ABTB2: variants seen among roughly 807,000 people sequenced by gnomAD.
ABTB2 encodes ankyrin repeat and BTB domain containing 2.
In ABTB2, 56 loss-of-function variants were observed where a neutral mutation model predicts 104.1. That is an observed-to-expected ratio of 0.54 (90% CI 0.43 to 0.67). The LOEUF is 0.67. Ranked by LOEUF, ABTB2 falls within the 30% of genes least tolerant of loss-of-function variation. ABTB2 has a pLI of 0.00. For synonymous variants in ABTB2, 606 were observed against 608.2 expected, an observed-to-expected ratio of 1.00 and a Z score of 0.05; for missense variants, 1,279 against 1,407.7, an observed-to-expected ratio of 0.91 and a Z score of 1.46.
chr11:34,198,561 G>T (rs1287024870), intron 2 of ABTB2, among the ~76,000 whole-genome samples: 1 of 152,112 alleles, frequency 6.6e-6, no homozygotes, highest in Non-Finnish European at 1.5e-5. Flanking sequence ...GAGTTAACCA[G>T]CCATGGCTGT....
intron 1 of ABTB2, among the ~76,000 whole-genome samples, chr11:34,232,225 G>C (rs997592697): frequency 3.3e-5 from 5 of 152,076 alleles, no homozygotes; most frequent in Admixed American, 2.6e-4. Context: ...TAGGTGGGTG[G>C]ATCATTTGAG....
At chr11:34,170,151 G>C (rs966985224) in intron 5 of ABTB2, among the ~76,000 whole-genome samples, 7 of 152,162 alleles carry the variant, frequency 4.6e-5, no homozygotes, top group Non-Finnish European at 8.8e-5. Flanking sequence ...TCTCCACCCA[G>C]CTCTGCTCCT....
At chr11:34,302,604 G>A (rs1017796600) in intron 1 of ABTB2, among the ~76,000 whole-genome samples, 1 of 152,198 alleles carries the variant, frequency 6.6e-6, no homozygotes, top group Admixed American at 6.5e-5. Flanking sequence ...ACAGTTTGTT[G>A]GTCATTGAGG....
intron 1 of ABTB2, among the ~76,000 whole-genome samples, chr11:34,214,139 AACACACACACAC>A (rs10529537): frequency 1.2e-4 from 17 of 139,270 alleles, no homozygotes; most frequent in African/African-American, 3.1e-4. Flanking sequence ...GCACATTCAA[AACACACACACAC>A]ACACACACAC....
At chr11:34,343,367 T>C (rs1590264207) in intron 1 of ABTB2, among the ~76,000 whole-genome samples, 2 of 152,132 alleles carry the variant, frequency 1.3e-5, no homozygotes, top group African/African-American at 2.4e-5. Context: ...CATACCAGGC[T>C]CTCCCAGGAA....
intron 1 of ABTB2, among the ~76,000 whole-genome samples, chr11:34,325,892 A>G (rs1043284925): frequency 6.6e-6 from 1 of 151,734 alleles, no homozygotes; most frequent in Non-Finnish European, 1.5e-5. Flanking sequence ...TGGAGGTTGC[A>G]GTAAGCTGAG....
intron 12 of ABTB2, 67 bp from the exon 13 acceptor site, chr11:34,160,075 C>T (rs1167428788): frequency 2.1e-6 from 3 of 1,401,140 alleles, no homozygotes; most frequent in African/African-American, 1.4e-5. Context: ...CTTGAGTGTG[C>T]TGTGAGGTGC....
Position 34,357,884 on chromosome 11 carries a change from C to A in ABTB2, c.-301G>T, listed in dbSNP as rs757895834. 14 of 340,636 alleles carry A rather than the reference C, an allele frequency of 4.1e-5. No individual in the cohort carries two copies. The highest frequency in any genetic ancestry group is 5.3e-5 in the Non-Finnish European group (10 of 188,274). 21.1% of individuals were successfully genotyped at this position (340,636 alleles called of 1,614,324 possible). ...TAATTCCCACAAGCAGAGAGTCAGT[C>A]CTCCACAGAGAAGGAATCCCGGGAG... On this transcript the variant is annotated 5_prime_UTR_variant, in exon 1 of 17. Coordinates refer to ENST00000435224, the MANE Select transcript of ABTB2 (RefSeq NM_145804.3).
intron 5 of ABTB2, 116 bp downstream of exon 5, chr11:34,170,790 T>G (rs781753064): frequency 5.8e-5 from 77 of 1,319,396 alleles, no homozygotes; most frequent in Non-Finnish European, 7.6e-5. Flanking sequence ...GCCCGCCTTT[T>G]CGAAGTACAG....
chr11:34,281,569 C>T (rs535057384), intron 1 of ABTB2, among the ~76,000 whole-genome samples: 6 of 152,338 alleles, frequency 3.9e-5, no homozygotes, highest in East Asian at 3.9e-4. Context: ...CGGGGACTCC[C>T]GCTGGGCAGG....
rs75943320 is a variant in ABTB2, at chr11:34,190,431, T to A, written c.1244+6894A>T. On this transcript the variant is annotated intron_variant, in intron 3 of 16. Transcript: ENST00000435224. The stretch of plus-strand genomic sequence containing the variant: ...TGCACCTGAGCTTCCTCCTGCACTG[T>A]CTGGTGGGTTTTGCTCATTTGTTTA... Among the ~76,000 whole-genome samples the A allele has an allele frequency of 4.6e-3, 700 of 152,284 alleles. 2 individuals are homozygous for A. Among genetic ancestry groups the A allele is most frequent in the African/African-American group, 0.016 (660 of 41,542 alleles).
At chr11:34,251,981 T>G (rs1350078129) in intron 1 of ABTB2, among the ~76,000 whole-genome samples, 1 of 152,192 alleles carries the variant, frequency 6.6e-6, no homozygotes, top group Admixed American at 6.5e-5. Context: ...TCACAGTGTT[T>G]AGGGCACTCA....
chr11:34,271,734 AATACATACATACATACATACATAC>A (rs11268199), intron 1 of ABTB2, among the ~76,000 whole-genome samples: 4 of 149,814 alleles, frequency 2.7e-5, no homozygotes, highest in African/African-American at 7.4e-5. Context: ...CCCTATCTCA[AATACATACATACATACATACATAC>A]ATACATACAT....
chr11:34,238,010 G>A (rs991817452), intron 1 of ABTB2, among the ~76,000 whole-genome samples: 1 of 152,154 alleles, frequency 6.6e-6, no homozygotes, highest in African/African-American at 2.4e-5. Context: ...TTGTATGCAT[G>A]TATCAAAATA....
At position 34,152,439 on chromosome 11, in the gene ABTB2, T is replaced by A; in HGVS notation, c.3026A>T (p.Gln1009Leu). The A allele has an allele frequency of 6.3e-7, 1 of 1,596,648 alleles. No homozygotes were observed. The highest frequency in any genetic ancestry group is 8.5e-7 in the Non-Finnish European group (1 of 1,172,986). ...GTGCACGCGCTCTGCCAGGGTGTTC[T>A]GCAGGTCCTGCAGTGGATCCAGGCC... is the stretch of plus-strand genomic sequence containing the variant. ...VQGLDPLQDL[Q>L]NTLAERVHSV... The change falls in exon 17 of 17, where the codon CAG becomes CTG. Residue 1009 changes from glutamine (Q) to leucine (L), a missense_variant. By Grantham distance (113) the Gln-to-Leu change is moderately radical. Transcript: ENST00000435224.
chr11:34,324,637 C>T (rs1323400166), intron 1 of ABTB2, among the ~76,000 whole-genome samples: 1 of 152,230 alleles, frequency 6.6e-6, no homozygotes, highest in Non-Finnish European at 1.5e-5. Context: ...ACCACTGGAT[C>T]AGCCTCCAGG....
chr11:34,303,213 G>A (rs1174342915), intron 1 of ABTB2, among the ~76,000 whole-genome samples: 1 of 152,200 alleles, frequency 6.6e-6, no homozygotes. Flanking sequence ...AGGCTAGGAA[G>A]AAATATAAAG....
intron 3 of ABTB2, among the ~76,000 whole-genome samples, chr11:34,186,682 C>T (rs1333748358): frequency 6.6e-6 from 1 of 152,186 alleles, no homozygotes; most frequent in Non-Finnish European, 1.5e-5. Flanking sequence ...CTGGGGGGTG[C>T]TTGTCAGAGG....
At chr11:34,338,211 T>C (rs1288599297) in intron 1 of ABTB2, among the ~76,000 whole-genome samples, 3 of 151,682 alleles carry the variant, frequency 2.0e-5, no homozygotes, top group Non-Finnish European at 2.9e-5. Flanking sequence ...TGAAACCCTG[T>C]CTCCATGAAA....
Sources: gnomAD v4.1 joint callset for allele counts (sites outside exome capture counted in the v4.1 genomes callset) on GRCh38, gnomAD v4.1.1 for gene constraint, MANE v1.5 for transcripts, NCBI Gene and HGNC (gene_info 2026-07-23, HGNC 2026-07-21) for gene names.